The following CDH13 variants were observed in gnomAD, a reference collection of about 807,000 sequenced individuals.
CDH13 encodes the protein cadherin-13.
A neutral mutation model predicts 63.8 loss-of-function variants in CDH13; 24 were observed. The ratio of observed to expected loss-of-function variants is 0.38; its 90% CI spans 0.27 to 0.53. The LOEUF (loss-of-function observed/expected upper bound fraction) is 0.53. Ranked by LOEUF, CDH13 falls within the 20% of genes least tolerant of loss-of-function variation. The pLI is 0.85. For synonymous variants in CDH13, 503 were observed against 355.3 expected, an observed-to-expected ratio of 1.42 and a Z score of -4.67; for missense variants, 1,049 against 903.1, an observed-to-expected ratio of 1.16 and a Z score of -2.07.
intron 3 of CDH13, among the ~76,000 whole-genome samples, chr16:83,058,200 C>G (rs963575149): frequency 1.3e-5 from 2 of 152,082 alleles, no homozygotes; most frequent in African/African-American, 4.8e-5. Flanking sequence ...AGCCCCTCTC[C>G]TTTGTGAGGG....
intron 1 of CDH13, among the ~76,000 whole-genome samples, chr16:82,768,565 G>T (rs150027362): frequency 6.6e-6 from 1 of 152,136 alleles, no homozygotes; most frequent in Non-Finnish European, 1.5e-5. Flanking sequence ...TCAAAAATAG[G>T]GTATAGCCTT....
intron 7 of CDH13, among the ~76,000 whole-genome samples, chr16:83,542,367 C>A (rs990158305): frequency 2.0e-5 from 3 of 152,158 alleles, no homozygotes; most frequent in Non-Finnish European, 4.4e-5. Context: ...CACTAGCCTG[C>A]GGCAGAATCC....
intron 7 of CDH13, among the ~76,000 whole-genome samples, chr16:83,595,506 A>G (rs1267118887): frequency 6.6e-6 from 1 of 152,216 alleles, no homozygotes; most frequent in Non-Finnish European, 1.5e-5. Context: ...TAAGCTAAGC[A>G]CAGTCATAAG....
At chr16:83,220,126 C>T (rs2039652664) in intron 5 of CDH13, among the ~76,000 whole-genome samples, 3 of 152,224 alleles carry the variant, frequency 2.0e-5, no homozygotes, top group South Asian at 4.1e-4. Flanking sequence ...TTTCTGATGC[C>T]GTTTCCCTCC....
chr16:83,034,460 A>T (rs1916667110), intron 3 of CDH13, among the ~76,000 whole-genome samples: 1 of 152,242 alleles, frequency 6.6e-6, no homozygotes, highest in African/African-American at 2.4e-5. Context: ...TTGACACCAC[A>T]AAGGCAAGCT....
chr16:82,944,790 GAGAC>G (rs1039179743), intron 2 of CDH13, among the ~76,000 whole-genome samples: 11 of 152,198 alleles, frequency 7.2e-5, no homozygotes, highest in South Asian at 2.1e-4. Flanking sequence ...GAGAGAGAGA[GAGAC>G]AGACAGAGAC....
At chr16:83,449,389 A>G (rs537941616) in intron 6 of CDH13, among the ~76,000 whole-genome samples, 13 of 152,250 alleles carry the variant, frequency 8.5e-5, no homozygotes, top group Non-Finnish European at 1.9e-4. Context: ...CAAAGGAGAA[A>G]CGGCTCCCTT....
intron 5 of CDH13, among the ~76,000 whole-genome samples, chr16:83,337,344 C>T (rs1246667436): frequency 6.6e-6 from 1 of 152,098 alleles, no homozygotes; most frequent in Non-Finnish European, 1.5e-5. Flanking sequence ...ACTTAGCTTC[C>T]CTTCTGGCTC....
At chr16:82,680,037 A>T (rs1371698482) in intron 1 of CDH13, among the ~76,000 whole-genome samples, 1 of 152,126 alleles carries the variant, frequency 6.6e-6, no homozygotes, top group Non-Finnish European at 1.5e-5. Flanking sequence ...TCCAGGATCT[A>T]TGGGGAATTT....
chr16:82,995,535 A>G (rs1012820554), intron 2 of CDH13, among the ~76,000 whole-genome samples: 3 of 152,194 alleles, frequency 2.0e-5, no homozygotes, highest in South Asian at 2.1e-4. Flanking sequence ...TGCATCCCCA[A>G]TACCATCAAG....
chr16:82,797,071 T>C (rs1437337499), intron 1 of CDH13, among the ~76,000 whole-genome samples: 1 of 152,226 alleles, frequency 6.6e-6, no homozygotes, highest in African/African-American at 2.4e-5. Flanking sequence ...GAGTTATTCC[T>C]CATCATTCTA....
At chr16:83,604,585 C>T (rs566025936) in intron 8 of CDH13, among the ~76,000 whole-genome samples, 156 of 152,258 alleles carry the variant, frequency 1.0e-3, no homozygotes, top group Non-Finnish European at 1.8e-3. Flanking sequence ...TGGGGTTTCT[C>T]ATTCTTCTTT....
chr16:83,532,033 GC>G (rs1329964883), intron 7 of CDH13, among the ~76,000 whole-genome samples: 1 of 152,120 alleles, frequency 6.6e-6, no homozygotes. Context: ...CCTGTGCTAT[GC>G]TTGTGATAGT....
intron 1 of CDH13, among the ~76,000 whole-genome samples, chr16:82,775,809 G>A (rs2035468751): frequency 6.6e-6 from 1 of 152,188 alleles, no homozygotes; most frequent in Non-Finnish European, 1.5e-5. Flanking sequence ...CTGGGTGCAA[G>A]GTGAGGGACA....
intron 1 of CDH13, among the ~76,000 whole-genome samples, chr16:82,709,220 A>T (rs1363319679): frequency 6.6e-6 from 1 of 152,226 alleles, no homozygotes; most frequent in Non-Finnish European, 1.5e-5. Flanking sequence ...AAGTCTGGCC[A>T]GCTCCCACTT....
At chr16:82,688,597 C>T (rs1915321976) in intron 1 of CDH13, among the ~76,000 whole-genome samples, 1 of 152,146 alleles carries the variant, frequency 6.6e-6, no homozygotes, top group African/African-American at 2.4e-5. Context: ...ATAGTGAAAA[C>T]ATCATTCATC....
chr16:82,886,932 A>T (rs2040909065), intron 2 of CDH13, among the ~76,000 whole-genome samples: 1 of 152,164 alleles, frequency 6.6e-6, no homozygotes, highest in African/African-American at 2.4e-5. Context: ...TGTAGTGGAT[A>T]ACTACTCCAT....
rs72796247 is a variant in CDH13, at chr16:83,074,322, C to A, written c.366+42104C>A. Among the ~76,000 whole-genome samples the A allele has an allele frequency of 2.0e-5, 3 of 152,058 alleles. No individual in the cohort carries two copies. In the East Asian group the frequency reaches 5.8e-4, roughly 29 times the overall value. On this transcript the variant is annotated intron_variant, in intron 3 of 13. Coordinates refer to ENST00000567109, the MANE Select transcript of CDH13 (RefSeq NM_001257.5). The stretch of plus-strand genomic sequence containing the variant: ...AAGGTTGCAGCAAATAATATGATTT[C>A]GTTCTTTTTTATAGCCAAATAGTAT...
intron 6 of CDH13, among the ~76,000 whole-genome samples, chr16:83,363,028 G>C (rs1259033385): frequency 2.0e-5 from 3 of 152,134 alleles, no homozygotes; most frequent in East Asian, 3.9e-4. Context: ...CAAAGGATAA[G>C]GTCAAACTAC....
Sources: allele counts gnomAD v4.1 joint callset (sites outside exome capture counted in the v4.1 genomes callset), GRCh38; gene constraint gnomAD v4.1.1; transcripts MANE v1.5; gene names NCBI Gene and HGNC (gene_info 2026-07-23, HGNC 2026-07-21).